KRT81: variants seen among roughly 807,000 people sequenced by gnomAD.
The protein encoded by KRT81 is keratin, type II cuticular Hb1.
KRT81 carries 35 observed loss-of-function variants against 35.8 expected under a neutral mutation model. The observed-to-expected ratio is 0.98, with a 90% CI of 0.75 to 1.30. The LOEUF is 1.30. Ranked by LOEUF, KRT81 falls within the 50% of genes most tolerant of loss-of-function variation. The pLI is 0.00. For missense variants in KRT81, 531 were observed against 577.4 expected (o/e 0.92, Z 0.82); for synonymous variants, 249 against 251.2 (o/e 0.99, Z 0.08).
At position 52,287,721 on chromosome 12, in the gene KRT81, A is replaced by G; in HGVS notation, c.901T>C (p.Cys301Arg). ...AEAESWYRSK[C>R]EEMKATVIRH... The stretch of plus-strand genomic sequence containing the variant: ...ATCACCGTGGCCTTCATCTCCTCAC[A>G]CTGGGGGAAGTAGAGATGCTCATGA... Residue 301 changes from cysteine (C) to arginine (R), a missense_variant and splice_region_variant, in exon 6 of 9, where the codon TGT (cysteine) becomes CGT (arginine). Cys to Arg is a radical substitution (Grantham distance 180). Transcript: ENST00000327741. 6.2e-7 allele frequency: 1 copy of G among 1,613,914 alleles called. No homozygotes were observed. Among genetic ancestry groups the G allele is most frequent in the Non-Finnish European group, 8.5e-7 (1 of 1,179,916 alleles).
At position 52,291,505 on chromosome 12, in the gene KRT81, G is replaced by C. The variant is rs1328544847; in HGVS notation, c.-40C>G. On this transcript the variant is annotated 5_prime_UTR_variant, in exon 1 of 9. Transcript: ENST00000327741. ...TTTGGGTTGCAGAGGACAGGATAGG[G>C]GACCTGGAGTCCTGATGGAAACTCC... 1.2e-6 allele frequency: 2 copies of C among 1,608,882 alleles called. No individual in the cohort carries two copies. The highest frequency in any genetic ancestry group is 2.7e-5 in the African/African-American group (2 of 74,824).
rs775624280 is a variant in KRT81, at chr12:52,286,784, TACTC to T, written c.1279+3_1279+6del. On this transcript the variant is annotated splice_donor_5th_base_variant and intron_variant, in intron 8 of 8. Coordinates refer to ENST00000327741, the MANE Select transcript of KRT81 (RefSeq NM_002281.4). The stretch of plus-strand genomic sequence containing the variant: ...AAATCTGTCCACACTGGACCCCAAA[TACTC>T]ACAGACATTCACAGCCCCAATGCCT... 1.9e-6 allele frequency: 3 copies of T among 1,613,902 alleles called. No individual in the cohort carries two copies. The highest frequency in any genetic ancestry group is 1.1e-5 in the South Asian group (1 of 91,044).
rs1312828246 is a variant in KRT81, at chr12:52,287,633, T to A, written c.989A>T (p.Gln330Leu). 1 of 1,613,846 alleles carries A rather than the reference T, an allele frequency of 6.2e-7. No individual in the cohort carries two copies. Among genetic ancestry groups the A allele is most frequent in the African/African-American group, 1.3e-5 (1 of 74,912 alleles). Residue 330 changes from glutamine to leucine, a missense_variant, in exon 6 of 9, where the codon CAA becomes CTA. Physicochemically the swap from Gln to Leu is moderately radical, Grantham distance 113. Around this residue, in one of 5 missense-constraint regions of KRT81, gnomAD observed 194 missense variants for 198.2 expected, o/e 0.98. Transcript: ENST00000327741. ...ATTCTCCACCTCGGCCGTCAGCCTT[T>A]GGATCATGCGGTTCAGCTCATTGAT... ...EEINELNRMI[Q>L]RLTAEVENAK... is the part of the protein sequence containing the mutation.
intron 8 of KRT81, 92 bp downstream of exon 8, chr12:52,286,699 A>C: frequency 7.1e-7 from 1 of 1,403,340 alleles, no homozygotes; most frequent in Non-Finnish European, 1.0e-6. Flanking sequence ...CCACTCTTTT[A>C]TATTCAATCT....
chr12:52,285,982 G>A lies in KRT81; in HGVS notation c.*273C>T, dbSNP rs1449091558. The A allele has an allele frequency of 3.8e-6, 2 of 519,862 alleles. No individual in the cohort carries two copies. The highest frequency in any genetic ancestry group is 2.1e-5 in the South Asian group (1 of 46,920). The allele number at this position is 519,862 out of a possible 1,614,324, so 32.2% of individuals were successfully genotyped here. ...GAAGGGGAGAGGCAGGAAGGCAGTT[G>A]CCGTGGGCAAGGTTCTGGTCCTGGC... On this transcript the variant is annotated 3_prime_UTR_variant, in exon 9 of 9. Coordinates refer to ENST00000327741, the MANE Select transcript of KRT81 (RefSeq NM_002281.4).
chr12:52,291,312 C>G lies in KRT81; in HGVS notation c.154G>C (p.Gly52Arg), dbSNP rs2071588. 0.29 allele frequency: 450,035 copies of G among 1,546,028 alleles called. 68,243 individuals carry two copies. Among genetic ancestry groups the G allele is most frequent in the East Asian group, 0.38 (15,477 of 40,876 alleles). ...TGGFGSHSVC[G>R]GFRAGSCGRS... ...CCGCAGGAGCCGGCCCGAAAGCCTC[C>G]GCACACGCTGTGGCTGCCGAAGCCC... is the stretch of plus-strand genomic sequence containing the variant. The change falls in exon 1 of 9, where the codon GGA becomes CGA. Residue 52 changes from glycine to arginine, a missense_variant. By Grantham distance (125) the Gly-to-Arg change is moderately radical. This residue lies in a region of KRT81 where 133 missense variants were observed against 125.9 expected (regional missense o/e 1.06). Coordinates refer to ENST00000327741, the MANE Select transcript of KRT81 (RefSeq NM_002281.4).
chr12:52,287,818 G>A, intron 5 of KRT81, 97 bp from the exon 6 acceptor site: 3 of 1,609,286 alleles, frequency 1.9e-6, no homozygotes, highest in East Asian at 2.2e-5. Context: ...TGCTCAGCCT[G>A]TGCAGCCACA....
At chr12:52,287,931 C>T (rs1938007228) in intron 5 of KRT81, 53 bp downstream of exon 5, 10 of 1,613,954 alleles carry the variant, frequency 6.2e-6, no homozygotes, top group Non-Finnish European at 7.6e-6. Flanking sequence ...TAATAGATAT[C>T]TCACATCCCT....
intron 7 of KRT81, 65 bp downstream of exon 7, chr12:52,287,037 G>A: frequency 6.2e-7 from 1 of 1,611,942 alleles, no homozygotes; most frequent in Non-Finnish European, 8.5e-7. Context: ...CTCAGCCAAG[G>A]CCAAGGGTAG....
chr12:52,288,338 C>T lies in KRT81; in HGVS notation c.735+23G>A, dbSNP rs767511246. ...CTCCTCTCTGCTGGCTGCCAGGTTT[C>T]TGTCTGGCCCCTGAGCCCGCACCTC... On this transcript the variant is annotated intron_variant, in intron 4 of 8. Transcript: ENST00000327741. The T allele has an allele frequency of 3.1e-6, 5 of 1,613,568 alleles. No individual in the cohort carries two copies. In the South Asian group the frequency reaches 3.3e-5, roughly 11 times the overall value.
intron 7 of KRT81, 137 bp downstream of exon 7, chr12:52,286,965 C>G: frequency 6.4e-7 from 1 of 1,550,708 alleles, no homozygotes. Context: ...AACTCACACA[C>G]CAGCCCTCCC....
At position 52,286,694 on chromosome 12, in the gene KRT81, CTT is replaced by C. The variant is rs1397414352; in HGVS notation, c.1279+95_1279+96del. On this transcript the variant is annotated intron_variant, in intron 8 of 8. Transcript: ENST00000327741. ...CCTCCTGTTGTGATGCCAGCCCACTCTTTTATATTCAATCTCAGTAACACTCC... is the reference window on the plus strand; with the variant it reads ...CCTCCTGTTGTGATGCCAGCCCACTCTTATATTCAATCTCAGTAACACTCC... 3.6e-6 allele frequency: 5 copies of C among 1,388,034 alleles called. No homozygotes were observed. In the African/African-American group the frequency reaches 4.2e-5, roughly 12 times the overall value. 86.0% of individuals were successfully genotyped at this position (1,388,034 alleles called of 1,614,324 possible).
chr12:52,288,157 G>A lies in KRT81; in HGVS notation c.736-9C>T. ...TGGAGAATGAGGATCTCCTGCAGGA[G>A]GTGAGGGCAGTGACTTTAGTTGAGA... On this transcript the variant is annotated splice_polypyrimidine_tract_variant and intron_variant, in intron 4 of 8. Transcript: ENST00000327741. 6.8e-6 allele frequency: 11 copies of A among 1,614,054 alleles called. No homozygotes were observed. Among genetic ancestry groups the A allele is most frequent in the Non-Finnish European group, 9.3e-6 (11 of 1,179,986 alleles).
chr12:52,287,223 G>T lies in KRT81; in HGVS notation c.1126C>A (p.Gln376Lys), dbSNP rs1746045929. 3.1e-6 allele frequency: 5 copies of T among 1,613,948 alleles called. No individual in the cohort carries two copies. Among genetic ancestry groups the T allele is most frequent in the Admixed American group, 1.7e-5 (1 of 60,016 alleles). The change falls in exon 7 of 9, where the codon CAG becomes AAG. Residue 376 changes from glutamine to lysine, a missense_variant. Physicochemically the swap from Gln to Lys is moderately conservative, Grantham distance 53. Transcript: ENST00000327741. ...CKLAELEGAL[Q>K]KAKQDMACLI... ...CAGGCCATGTCCTGCTTGGCCTTCT[G>T]CAGGGCGCCCTCCAGCTCGGCCAGC... is the stretch of plus-strand genomic sequence containing the variant.
chr12:52,286,909 C>T, intron 7 of KRT81, 87 bp from the exon 8 acceptor site: 1 of 1,556,030 alleles, frequency 6.4e-7, no homozygotes, highest in East Asian at 2.3e-5. Flanking sequence ...GGGTCCACAA[C>T]TGGTCAATTA....
chr12:52,286,912 G>C (rs1283778851), intron 7 of KRT81, 90 bp from the exon 8 acceptor site: 13 of 1,549,120 alleles, frequency 8.4e-6, no homozygotes, highest in South Asian at 3.4e-5. Flanking sequence ...TCCACAACTG[G>C]TCAATTAAGA....
intron 7 of KRT81, 29 bp downstream of exon 7, chr12:52,287,073 G>A (rs750223770): frequency 6.2e-7 from 1 of 1,612,652 alleles, no homozygotes; most frequent in East Asian, 2.2e-5. Context: ...GGGGAAGGGT[G>A]GTTCTGGGCC....
intron 8 of KRT81, 108 bp from the exon 9 acceptor site, chr12:52,286,601 T>A (rs1167309315): frequency 7.7e-7 from 1 of 1,304,670 alleles, no homozygotes; most frequent in Non-Finnish European, 1.1e-6. Context: ...GTCAGAAGCA[T>A]CTTTGTGGAC....
Position 52,286,049 on chromosome 12 carries a change from C to T in KRT81, c.*206G>A. ...GCCCCTTCCTATGGGTGCCAGCGGA[C>T]TTCTTTCTAGGGTGGCCTTTCCCAC... On this transcript the variant is annotated 3_prime_UTR_variant, in exon 9 of 9. Transcript: ENST00000327741. 1.7e-6 allele frequency: 1 copy of T among 600,368 alleles called. No individual in the cohort carries two copies. Among genetic ancestry groups the T allele is most frequent in the South Asian group, 2.0e-5 (1 of 50,436 alleles). The allele number at this position is 600,368 out of a possible 1,614,324, so 37.2% of individuals were successfully genotyped here. A position where few individuals can be genotyped will look rare whatever the true frequency, so the allele number is the denominator to read the frequency against.
Sources: gnomAD v4.1 joint callset for allele counts on GRCh38, gnomAD v4.1.1 for gene constraint, gnomAD v4.1.1 regional missense constraint, MANE v1.5 for transcripts, NCBI Gene and HGNC (gene_info 2026-07-23, HGNC 2026-07-21) for gene names.